The following TP63 variants were observed in gnomAD, a reference collection of about 807,000 sequenced individuals.
The protein encoded by TP63 is tumor protein 63.
TP63 carries 17 observed loss-of-function variants against 82.8 expected under a neutral mutation model. That is an observed-to-expected ratio of 0.21 (90% CI 0.14 to 0.31). TP63 has a LOEUF of 0.31. Among genes scored for constraint, TP63 ranks in the 10% least tolerant of loss-of-function variants. The pLI, the probability that TP63 is intolerant of heterozygous loss-of-function variation, is 1.00. For missense variants in TP63, 648 were observed against 895.3 expected (o/e 0.72, Z 3.52); for synonymous variants, 330 against 321.7 (o/e 1.03, Z -0.28).
At chr3:189,851,054 G>A (rs1184927220) in intron 4 of TP63, among the ~76,000 whole-genome samples, 3 of 152,094 alleles carry the variant, frequency 2.0e-5, no homozygotes, top group Non-Finnish European at 2.9e-5. Context: ...GAAATATGAG[G>A]CTTCAGTCAT....
chr3:189,627,108 C>A (rs1729336485), upstream of TP63, among the ~76,000 whole-genome samples: 1 of 152,028 alleles, frequency 6.6e-6, no homozygotes, highest in Non-Finnish European at 1.5e-5. Context: ...TCGTACTAAC[C>A]CCAGGTTAGC....
intron 1 of TP63, among the ~76,000 whole-genome samples, chr3:189,634,055 G>A (rs1352211404): frequency 6.6e-6 from 1 of 152,078 alleles, no homozygotes; most frequent in Non-Finnish European, 1.5e-5. Flanking sequence ...GTATGATAAT[G>A]TATATGGTCA....
chr3:189,649,845 A>G (rs937323675), intron 1 of TP63, among the ~76,000 whole-genome samples: 1 of 146,672 alleles, frequency 6.8e-6, no homozygotes, highest in South Asian at 2.3e-4. Context: ...GAAATAGGAG[A>G]AGAGAGCAAC....
At chr3:189,617,419 T>A in the TP63 span, among the ~76,000 whole-genome samples, 1 of 152,196 alleles carries the variant, frequency 6.6e-6, no homozygotes, top group Non-Finnish European at 1.5e-5. Flanking sequence ...AATATATTCA[T>A]CCAAATCTAT....
intron 1 of TP63, among the ~76,000 whole-genome samples, chr3:189,645,014 A>G (rs903805829): frequency 1.3e-5 from 2 of 151,950 alleles, no homozygotes; most frequent in African/African-American, 4.8e-5. Flanking sequence ...GTAAGGGACT[A>G]TGGCTGTCTT....
At chr3:189,889,596 G>A in intron 12 of TP63, 112 bp downstream of exon 12, 1 of 1,456,900 alleles carries the variant, frequency 6.9e-7, no homozygotes, top group Non-Finnish European at 9.5e-7. Flanking sequence ...GCAGTCCTGT[G>A]GTTGGAGTTC....
chr3:189,698,080 G>T (rs1409736764), intron 1 of TP63, among the ~76,000 whole-genome samples: 1 of 152,066 alleles, frequency 6.6e-6, no homozygotes, highest in East Asian at 1.9e-4. Flanking sequence ...AATAGGACTG[G>T]TGATAAAAGA....
intron 3 of TP63, among the ~76,000 whole-genome samples, chr3:189,755,891 T>A (rs9866467): frequency 0.066 from 9,999 of 152,194 alleles, 455 homozygotes; most frequent in African/African-American, 0.12. Flanking sequence ...TGCAATAGTG[T>A]CTCTCGATAT....
chr3:189,823,627 T>G (rs745479243), intron 4 of TP63, among the ~76,000 whole-genome samples: 40 of 152,190 alleles, frequency 2.6e-4, no homozygotes, highest in Non-Finnish European at 4.0e-4. Context: ...CCAAAATGAT[T>G]AGCTATTTTA....
chr3:189,705,596 T>A (rs549571349), intron 1 of TP63, among the ~76,000 whole-genome samples: 1 of 152,230 alleles, frequency 6.6e-6, no homozygotes, highest in East Asian at 1.9e-4. Context: ...ACACCTCCCA[T>A]CCCAGATCAG....
upstream of TP63, among the ~76,000 whole-genome samples, chr3:189,630,489 T>C (rs1415013718): frequency 1.3e-5 from 2 of 152,124 alleles, no homozygotes; most frequent in East Asian, 3.9e-4. Flanking sequence ...CCTTTCGAAG[T>C]AGGTCAAGTC....
At chr3:189,848,375 AC>A (rs1034585012) in intron 4 of TP63, among the ~76,000 whole-genome samples, 6 of 131,254 alleles carry the variant, frequency 4.6e-5, no homozygotes, top group African/African-American at 1.7e-4. Flanking sequence ...ATGCCCCCAT[AC>A]CTGGCTTTTT....
At chr3:189,808,928 T>C (rs1244708175) in intron 4 of TP63, among the ~76,000 whole-genome samples, 1 of 152,210 alleles carries the variant, frequency 6.6e-6, no homozygotes, top group Non-Finnish European at 1.5e-5. Context: ...CATTAAGTTG[T>C]GATTTTAAAA....
chr3:189,734,176 T>C (rs1260170450), intron 1 of TP63, among the ~76,000 whole-genome samples: 2 of 138,238 alleles, frequency 1.4e-5, no homozygotes, highest in Admixed American at 7.2e-5. Flanking sequence ...CCCTTCTTTT[T>C]TTTTTTTTTT....
Position 189,721,734 on chromosome 3 carries a change from T to G in TP63, c.63-16006T>G, listed in dbSNP as rs372206492. On this transcript the variant is annotated intron_variant, in intron 1 of 13. Coordinates refer to ENST00000264731, the MANE Select transcript of TP63 (RefSeq NM_003722.5). ...AGCTGCCCAGGTGATTTCGATTTGC[T>G]TATCCTCGCCACTTGAGACTCCTTA... 1.6e-4 allele frequency among the ~76,000 whole-genome samples: 24 copies of G among 152,270 alleles called. No homozygotes were observed. In the East Asian group the frequency reaches 2.5e-3, roughly 16 times the overall value.
intron 1 of TP63, among the ~76,000 whole-genome samples, chr3:189,724,678 T>C (rs1560136596): frequency 6.6e-6 from 1 of 152,242 alleles, no homozygotes; most frequent in Non-Finnish European, 1.5e-5. Context: ...AGAGATGTTT[T>C]GCAAGAGTGG....
chr3:189,793,825 A>C (rs1725414278), intron 3 of TP63, among the ~76,000 whole-genome samples: 1 of 152,140 alleles, frequency 6.6e-6, no homozygotes, highest in Non-Finnish European at 1.5e-5. Context: ...GTTAAACCCA[A>C]GTGGGCGCTC....
chr3:189,768,268 T>C (rs549010762), intron 3 of TP63, among the ~76,000 whole-genome samples: 2 of 152,266 alleles, frequency 1.3e-5, no homozygotes, highest in East Asian at 1.9e-4. Flanking sequence ...TGGGCTTTTC[T>C]TTACTATTTA....
chr3:189,684,169 C>A (rs1018559765), intron 1 of TP63, among the ~76,000 whole-genome samples: 2 of 152,156 alleles, frequency 1.3e-5, no homozygotes, highest in Non-Finnish European at 2.9e-5. Flanking sequence ...ATTCTTTATT[C>A]TTTAATTCAG....
Sources: gnomAD v4.1 joint callset for allele counts (sites outside exome capture counted in the v4.1 genomes callset) on GRCh38, gnomAD v4.1.1 for gene constraint, MANE v1.5 for transcripts, NCBI Gene and HGNC (gene_info 2026-07-23, HGNC 2026-07-21) for gene names.